ST18: variants seen among roughly 807,000 people sequenced by gnomAD.
ST18 encodes the protein ST18 C2H2C-type zinc finger transcription factor.
ST18 carries 50 observed loss-of-function variants against 110.0 expected under a neutral mutation model. The observed-to-expected ratio is 0.45, with a 90% CI of 0.36 to 0.58. The LOEUF (loss-of-function observed/expected upper bound fraction) is 0.58, where lower values mean the gene tolerates loss of function less well. ST18 is among the 20% of genes least tolerant of loss of function. The pLI, the probability that ST18 is intolerant of heterozygous loss-of-function variation, is 0.00. For synonymous variants in ST18, 461 were observed against 452.4 expected (o/e 1.02, Z -0.24); for missense variants, 1,306 against 1,280.1 (o/e 1.02, Z -0.31).
rs527716553 is a variant in ST18, at chr8:52,333,263, T to C, written c.-465+76065A>G. Among the ~76,000 whole-genome samples the C allele has an allele frequency of 1.7e-4, 26 of 150,626 alleles. No individual in the cohort carries two copies. The East Asian group carries it at 5.1e-3, about 29-fold the overall frequency. On this transcript the variant is annotated intron_variant, in intron 2 of 25. Transcript: ENST00000689386. ...TTTCTGCAGTTTCTTCTATAACTAA[T>C]CATTCTACTAAATAAGACCTGCATA...
intron 8 of ST18, among the ~76,000 whole-genome samples, chr8:52,183,224 C>G (rs1307691605): frequency 6.6e-6 from 1 of 152,134 alleles, no homozygotes; most frequent in African/African-American, 2.4e-5. Flanking sequence ...GCCACAGGAC[C>G]TTGCCCACTG....
chr8:52,391,022 G>C lies in ST18; in HGVS notation c.-465+18306C>G, dbSNP rs543330691. Among the ~76,000 whole-genome samples the C allele has an allele frequency of 2.0e-5, 3 of 152,258 alleles. No homozygotes were observed. In the South Asian group the frequency reaches 6.2e-4, roughly 32 times the overall value. ...TCTCTGGTTTGCCATGAATAAAGCT[G>C]TTTTATTTGTAAAAGATGCTGTGTG... On this transcript the variant is annotated intron_variant, in intron 2 of 25. Transcript: ENST00000689386.
intron 2 of ST18, among the ~76,000 whole-genome samples, chr8:52,254,968 A>G (rs1179698692): frequency 6.6e-6 from 1 of 152,178 alleles, no homozygotes; most frequent in Non-Finnish European, 1.5e-5. Context: ...TGAAAAGAAA[A>G]GTGCCTCAAG....
At chr8:52,402,353 G>T (rs1051815160) in intron 2 of ST18, among the ~76,000 whole-genome samples, 2 of 152,140 alleles carry the variant, frequency 1.3e-5, no homozygotes, top group Non-Finnish European at 2.9e-5. Context: ...CCTGTGATGT[G>T]GGCACAGGTC....
intron 22 of ST18, 75 bp from the exon 23 acceptor site, chr8:52,126,215 A>G: frequency 2.1e-6 from 3 of 1,434,980 alleles, no homozygotes; most frequent in Non-Finnish European, 2.9e-6. Flanking sequence ...TTTATTCACA[A>G]CCTACTATTT....
chr8:52,364,272 A>G (rs934657046), intron 2 of ST18, among the ~76,000 whole-genome samples: 8 of 152,090 alleles, frequency 5.3e-5, no homozygotes, highest in African/African-American at 1.9e-4. Flanking sequence ...AGACTGGCCC[A>G]TATTAAAAAA....
intron 2 of ST18, among the ~76,000 whole-genome samples, chr8:52,388,985 A>AAAG (rs984830708): frequency 6.6e-6 from 1 of 151,166 alleles, no homozygotes; most frequent in Non-Finnish European, 1.5e-5. Flanking sequence ...AAAAAAAAAA[A>AAAG]AAGAACAAGC....
At position 52,132,165 on chromosome 8, in the gene ST18, C is replaced by A. The variant is rs1269727040; in HGVS notation, c.2459G>T (p.Gly820Val). The A allele has an allele frequency of 6.2e-7, 1 of 1,612,160 alleles. No individual in the cohort carries two copies. The highest frequency in any genetic ancestry group is 8.5e-7 in the Non-Finnish European group (1 of 1,179,528). The change falls in exon 22 of 26, where the codon GGG becomes GTG. Residue 820 changes from glycine (G) to valine (V), a missense_variant. Physicochemically the swap from Gly to Val is moderately radical, Grantham distance 109. Transcript: ENST00000689386. ...EDPELKCPVIGCDGQGHISGK... is the reference protein window; with the variant it reads ...EDPELKCPVIVCDGQGHISGK... Reference sequence around the variant, plus strand: ...TGATATGTGACCTTGGCCATCACACCCTATCACAGGACATCTAGAGAGAAA... The same window carrying A: ...TGATATGTGACCTTGGCCATCACACACTATCACAGGACATCTAGAGAGAAA...
intron 2 of ST18, among the ~76,000 whole-genome samples, chr8:52,299,505 A>C (rs542992116): frequency 1.3e-5 from 2 of 152,166 alleles, no homozygotes; most frequent in East Asian, 3.9e-4. Flanking sequence ...AAACCTACTT[A>C]TTTTCTACTC....
At position 52,172,003 on chromosome 8, in the gene ST18, C is replaced by G. The variant is rs780173776; in HGVS notation, c.858G>C (p.Leu286=). 3.7e-6 allele frequency: 6 copies of G among 1,614,112 alleles called. No individual in the cohort carries two copies. In the East Asian group the frequency reaches 1.3e-4, roughly 36 times the overall value. ...PDVEEEDSES[L]AVMTEEGSDL... ...CACTACCCTCTTCCGTCATTACTGC[C>G]AGGCTCTCGCTATCTTCCTCCTCAA... The change falls in exon 10 of 26, where the codon CTG becomes CTC. Residue 286 remains leucine (L), a synonymous_variant. Coordinates refer to ENST00000689386, the MANE Select transcript of ST18 (RefSeq NM_001352837.2).
intron 22 of ST18, among the ~76,000 whole-genome samples, chr8:52,130,587 AG>A (rs1166425759): frequency 6.6e-6 from 1 of 152,228 alleles, no homozygotes; most frequent in East Asian, 1.9e-4. Context: ...TCCGGGCATA[AG>A]TCTGAGTGTG....
intron 8 of ST18, among the ~76,000 whole-genome samples, chr8:52,180,940 AAGG>A (rs1204716490): frequency 1.3e-5 from 2 of 152,202 alleles, no homozygotes; most frequent in African/African-American, 4.8e-5. Flanking sequence ...GAACAAATAA[AAGG>A]AGGAGAAATA....
intron 2 of ST18, among the ~76,000 whole-genome samples, chr8:52,388,826 G>GA (rs1478660115): frequency 2.7e-5 from 3 of 109,702 alleles, no homozygotes; most frequent in African/African-American, 3.5e-5. Flanking sequence ...GGGGTGGGGG[G>GA]AGGGGGGAGG....
chr8:52,121,666 G>A (rs1018842681), intron 23 of ST18, among the ~76,000 whole-genome samples: 1 of 152,010 alleles, frequency 6.6e-6, no homozygotes, highest in African/African-American at 2.4e-5. Context: ...TAAGCTCTCT[G>A]GTTCCAGAAT....
Position 52,212,101 on chromosome 8 carries a change from C to G in ST18, c.64G>C (p.Asp22His). The change falls in exon 8 of 26, where the codon GAT (aspartate) becomes CAT (histidine). Residue 22 changes from aspartate (D) to histidine (H), a missense_variant. Asp to His is a moderately conservative substitution (Grantham distance 81). Coordinates refer to ENST00000689386, the MANE Select transcript of ST18 (RefSeq NM_001352837.2). ...TRSKGTEVPMDSLIQELSVAY... is the reference protein window; with the variant it reads ...TRSKGTEVPMHSLIQELSVAY... ...TACCTGAGCTCCTGGATTAGTGAAT[C>G]CATTGGCACTGTTGACAAAAGAAGA... 1 of 1,603,806 alleles carries G rather than the reference C, an allele frequency of 6.2e-7. No homozygotes were observed. The highest frequency in any genetic ancestry group is 1.4e-5 in the African/African-American group (1 of 74,038).
At chr8:52,305,812 G>A (rs1160560543) in intron 2 of ST18, among the ~76,000 whole-genome samples, 1 of 152,184 alleles carries the variant, frequency 6.6e-6, no homozygotes, top group Non-Finnish European at 1.5e-5. Flanking sequence ...TCAATCTGCT[G>A]CCTGGATGAC....
rs529785691 is a variant in ST18, at chr8:52,284,083, A to C, written c.-464-54006T>G. Among the ~76,000 whole-genome samples the C allele has an allele frequency of 1.0e-3, 157 of 152,314 alleles. 3 individuals are homozygous for C. Among genetic ancestry groups the C allele is most frequent in the Non-Finnish European group, 1.2e-3 (81 of 68,036 alleles). On this transcript the variant is annotated intron_variant, in intron 2 of 25. Transcript: ENST00000689386. The stretch of plus-strand genomic sequence containing the variant: ...ATGAGGCAAAAATAGGATTTAACCA[A>C]GACTGGAATTTTGTCAAGAAAGCGA...
intron 2 of ST18, among the ~76,000 whole-genome samples, chr8:52,250,685 G>A (rs1479193922): frequency 1.3e-5 from 2 of 149,858 alleles, no homozygotes; most frequent in Admixed American, 6.6e-5. Flanking sequence ...TTGCTAAAAT[G>A]TACACTGGCT....
At chr8:52,247,907 A>T (rs777152823) in intron 2 of ST18, among the ~76,000 whole-genome samples, 9 of 152,200 alleles carry the variant, frequency 5.9e-5, no homozygotes, top group Non-Finnish European at 1.0e-4. Context: ...CTTTCTTCAC[A>T]AAATTTATTG....
Sources: gnomAD v4.1 joint callset for allele counts (sites outside exome capture counted in the v4.1 genomes callset) on GRCh38, gnomAD v4.1.1 for gene constraint, MANE v1.5 for transcripts, NCBI Gene and HGNC (gene_info 2026-07-23, HGNC 2026-07-21) for gene names.